MSI2: variants seen among roughly 807,000 people sequenced by gnomAD.
MSI2 encodes musashi RNA binding protein 2.
A neutral mutation model predicts 45.6 loss-of-function variants in MSI2; 17 were observed. The ratio of observed to expected loss-of-function variants is 0.37; its 90% CI spans 0.26 to 0.56. The LOEUF (loss-of-function observed/expected upper bound fraction) is 0.56, where lower values mean the gene tolerates loss of function less well. Ranked by LOEUF, MSI2 falls within the 20% of genes least tolerant of loss-of-function variation. MSI2 has a pLI of 0.77. For synonymous variants in MSI2, 156 were observed against 158.2 expected (o/e 0.99, Z 0.11); for missense variants, 293 against 444.2 (o/e 0.66, Z 3.06).
chr17:57,535,316 A>G (rs2086898753), intron 7 of MSI2, among the ~76,000 whole-genome samples: 1 of 152,192 alleles, frequency 6.6e-6, no homozygotes, highest in Admixed American at 6.5e-5. Context: ...AGCCCTGCAC[A>G]GCTGGGTTCC....
At chr17:57,292,105 A>G (rs557506408) in intron 5 of MSI2, among the ~76,000 whole-genome samples, 1 of 152,066 alleles carries the variant, frequency 6.6e-6, no homozygotes, top group East Asian at 1.9e-4. Flanking sequence ...GAGGGGACGC[A>G]TTCACCGAGA....
chr17:57,522,401 G>A (rs1159469587), intron 6 of MSI2: 1 of 152,180 alleles, frequency 6.6e-6, no homozygotes, highest in Admixed American at 6.5e-5. Context: ...ATAATTTAAG[G>A]ATCATCTGAA....
intron 8 of MSI2, among the ~76,000 whole-genome samples, chr17:57,614,255 G>A (rs969108867): frequency 5.3e-5 from 8 of 152,110 alleles, no homozygotes; most frequent in East Asian, 1.9e-4. Flanking sequence ...GTTTTGCCAC[G>A]ATAGCCAGGC....
chr17:57,419,918 G>A (rs1198365401), intron 6 of MSI2, among the ~76,000 whole-genome samples: 2 of 152,186 alleles, frequency 1.3e-5, no homozygotes, highest in African/African-American at 2.4e-5. Context: ...GACAGTTGTC[G>A]GTGTTGGTGT....
intron 6 of MSI2, among the ~76,000 whole-genome samples, chr17:57,486,612 C>T (rs1036448678): frequency 4.6e-5 from 7 of 152,200 alleles, no homozygotes; most frequent in African/African-American, 1.7e-4. Flanking sequence ...AAAGCTTATT[C>T]ACTGGTGGTC....
intron 8 of MSI2, among the ~76,000 whole-genome samples, chr17:57,607,587 G>A (rs1430678464): frequency 6.6e-6 from 1 of 152,224 alleles, no homozygotes; most frequent in East Asian, 1.9e-4. Flanking sequence ...AGGAGGGAGG[G>A]TCTCTTCCGC....
At chr17:57,327,360 G>A (rs1025443796) in intron 5 of MSI2, among the ~76,000 whole-genome samples, 2 of 152,206 alleles carry the variant, frequency 1.3e-5, no homozygotes, top group Non-Finnish European at 1.5e-5. Flanking sequence ...AGTGTACATC[G>A]CAGGGACCCA....
At chr17:57,640,090 G>T (rs557574892) in intron 10 of MSI2, among the ~76,000 whole-genome samples, 1 of 152,226 alleles carries the variant, frequency 6.6e-6, no homozygotes, top group South Asian at 2.1e-4. Context: ...TAGAGGAGGT[G>T]GGGGGAGCTG....
intron 6 of MSI2, among the ~76,000 whole-genome samples, chr17:57,526,561 AAC>A (rs1459880342): frequency 6.6e-6 from 1 of 152,116 alleles, no homozygotes; most frequent in Non-Finnish European, 1.5e-5. Flanking sequence ...AACCGTGAGA[AAC>A]AGTCTCGTAT....
Position 57,378,133 on chromosome 17 carries a change from G to A in MSI2, c.313-23246G>A, listed in dbSNP as rs377427432. 5.3e-5 allele frequency among the ~76,000 whole-genome samples: 8 copies of A among 151,730 alleles called. No homozygotes were observed. In the South Asian group the frequency reaches 1.0e-3, roughly 20 times the overall value. ...TTATGGACATTCTTTTTTTTGAGGC[G>A]GAGTTTTGCTCTGTCGTGTCCCGGG... On this transcript the variant is annotated intron_variant, in intron 5 of 13. Transcript: ENST00000284073.
intron 7 of MSI2, among the ~76,000 whole-genome samples, chr17:57,563,414 A>G (rs1359936665): frequency 2.6e-5 from 4 of 152,082 alleles, no homozygotes; most frequent in Non-Finnish European, 1.5e-5. Flanking sequence ...AGGCTTTCCC[A>G]CAGCCCTGTG....
intron 9 of MSI2, among the ~76,000 whole-genome samples, chr17:57,617,126 T>A (rs1462776618): frequency 6.6e-6 from 1 of 152,240 alleles, no homozygotes; most frequent in Non-Finnish European, 1.5e-5. Context: ...TGTATCTACT[T>A]GTCTGAGGAA....
At chr17:57,437,266 C>T (rs1441140781) in intron 6 of MSI2, among the ~76,000 whole-genome samples, 1 of 152,178 alleles carries the variant, frequency 6.6e-6, no homozygotes, top group Non-Finnish European at 1.5e-5. Flanking sequence ...TTTTGTAAGA[C>T]ACCTCCAATC....
intron 6 of MSI2, among the ~76,000 whole-genome samples, chr17:57,428,180 C>T (rs919572832): frequency 2.6e-5 from 4 of 152,010 alleles, no homozygotes; most frequent in Admixed American, 2.6e-4. Flanking sequence ...ATTCATGGAC[C>T]CATCTTTGGA....
chr17:57,416,437 G>A (rs906359840), intron 6 of MSI2, among the ~76,000 whole-genome samples: 7 of 152,134 alleles, frequency 4.6e-5, no homozygotes, highest in East Asian at 1.9e-4. Context: ...GCTGGAAGCC[G>A]CCCGAAATAA....
Position 57,456,835 on chromosome 17 carries a change from A to G in MSI2, c.405+55364A>G, listed in dbSNP as rs147179584. On this transcript the variant is annotated intron_variant, in intron 6 of 13. Coordinates refer to ENST00000284073, the MANE Select transcript of MSI2 (RefSeq NM_138962.4). ...ATGATTGCCTTCTAGGTCATTCTCA[A>G]CCATTTAAGTATCCTTGGCAGGAGA... is the stretch of plus-strand genomic sequence containing the variant. Among the ~76,000 whole-genome samples, 11 of 152,314 alleles carry G rather than the reference A, an allele frequency of 7.2e-5. No individual in the cohort carries two copies. The East Asian group carries it at 1.7e-3, about 24-fold the overall frequency.
At chr17:57,654,462 G>A (rs56329934) in intron 11 of MSI2, among the ~76,000 whole-genome samples, 7,051 of 152,342 alleles carry the variant, frequency 0.046, 218 homozygotes, top group Middle Eastern at 0.075. Flanking sequence ...CAAGCCTGAT[G>A]GGATGGCCAA....
At chr17:57,674,330 A>G (rs1244423512) in intron 11 of MSI2, among the ~76,000 whole-genome samples, 1 of 152,042 alleles carries the variant, frequency 6.6e-6, no homozygotes, top group Admixed American at 6.5e-5. Context: ...TTTTTTAAAA[A>G]AAAAAACAAA....
At chr17:57,391,594 C>T (rs1457597446) in intron 5 of MSI2, among the ~76,000 whole-genome samples, 3 of 152,140 alleles carry the variant, frequency 2.0e-5, no homozygotes, top group South Asian at 2.1e-4. Context: ...TACCCCTCAC[C>T]GTGAGTCATC....
Sources: gnomAD v4.1 joint callset for allele counts (sites outside exome capture counted in the v4.1 genomes callset) on GRCh38, gnomAD v4.1.1 for gene constraint, MANE v1.5 for transcripts, NCBI Gene and HGNC (gene_info 2026-07-23, HGNC 2026-07-21) for gene names.